The following TGFA variants were observed in gnomAD, a reference collection of about 807,000 sequenced individuals.
TGFA encodes transforming growth factor alpha.
Under a neutral mutation model 21.7 loss-of-function variants are expected in TGFA, and 12 were observed. The ratio of observed to expected loss-of-function variants is 0.55; its 90% CI spans 0.35 to 0.90. The LOEUF (loss-of-function observed/expected upper bound fraction) is 0.90, where lower values mean the gene tolerates loss of function less well. Among genes scored for constraint, TGFA ranks in the 40% least tolerant of loss-of-function variants. The pLI is 0.01. For synonymous variants in TGFA, 79 were observed against 88.1 expected (o/e 0.90, Z 0.58); for missense variants, 178 against 210.8 (o/e 0.84, Z 0.96).
chr2:70,553,191 G>A (rs1553507081), intron 1 of TGFA: 2 of 1,536,144 alleles, frequency 1.3e-6, no homozygotes, highest in South Asian at 1.2e-5. Context: ...TACCCCCAAA[G>A]CTCAAGAGCT....
intron 1 of TGFA, among the ~76,000 whole-genome samples, chr2:70,551,004 C>T (rs1673484298): frequency 6.6e-6 from 1 of 152,156 alleles, no homozygotes. Flanking sequence ...CCTACAAACT[C>T]TCCCAGTTAT....
rs113121842 is a variant in TGFA at position 70,469,313 on chromosome 2, G to GTAAT, written c.95-3581_95-3578dup. Among the ~76,000 whole-genome samples, 46 of 151,938 alleles carry GTAAT rather than the reference G, an allele frequency of 3.0e-4. No individual in the cohort carries two copies. In the Middle Eastern group the frequency reaches 0.014, roughly 45 times the overall value. On this transcript the variant is annotated intron_variant, in intron 2 of 5. Transcript: ENST00000295400. ...CTATACTGTAATGTTTGCCCTGCAGGTAATTAATTAATTAATTAATTAATT... is the reference window on the plus strand; with the variant it reads ...CTATACTGTAATGTTTGCCCTGCAGGTAATTAATTAATTAATTAATTAATTAATT...
intron 1 of TGFA, among the ~76,000 whole-genome samples, chr2:70,542,233 A>C (rs1523300): frequency 0.45 from 68,096 of 151,890 alleles, 16,082 homozygotes; most frequent in African/African-American, 0.58. Context: ...AATTGCAAAC[A>C]CCTTGTTTAT....
In TGFA at chr2:70,476,080, C is replaced by CAAAAAAAAA. The variant is rs1175233983; in HGVS notation, c.95-10353_95-10345dup. The stretch of plus-strand genomic sequence containing the variant: ...CTACCTTGGTCTTAGTAATTTTAAG[C>CAAAAAAAAA]AAAAAAAAAAAAAAAAAAAAAAAAA... On this transcript the variant is annotated intron_variant, in intron 2 of 5. Transcript: ENST00000295400. Among the ~76,000 whole-genome samples the CAAAAAAAAA allele has an allele frequency of 1.4e-3, 80 of 55,626 alleles. 4 individuals are homozygous for CAAAAAAAAA. Among genetic ancestry groups the CAAAAAAAAA allele is most frequent in the African/African-American group, 3.7e-3 (54 of 14,422 alleles). 36.5% of individuals were successfully genotyped at this position (55,626 alleles called of 152,430 possible). A position where few individuals can be genotyped will look rare whatever the true frequency, so the allele number is the denominator to read the frequency against.
At chr2:70,473,605 C>A (rs920809767) in intron 2 of TGFA, among the ~76,000 whole-genome samples, 18 of 151,858 alleles carry the variant, frequency 1.2e-4, no homozygotes, top group African/African-American at 4.1e-4. Flanking sequence ...GAAAGGGAAT[C>A]CCTGTCACAT....
At chr2:70,516,797 A>T (rs1260782084) in intron 1 of TGFA, among the ~76,000 whole-genome samples, 1 of 152,212 alleles carries the variant, frequency 6.6e-6, no homozygotes, top group Non-Finnish European at 1.5e-5. Flanking sequence ...CCAGTGACTC[A>T]TAATAGTGTT....
At chr2:70,454,635 A>T (rs1670168949) in intron 4 of TGFA, among the ~76,000 whole-genome samples, 1 of 152,144 alleles carries the variant, frequency 6.6e-6, no homozygotes, top group African/African-American at 2.4e-5. Flanking sequence ...CCAGCATGGG[A>T]CAAGCTGGTC....
At chr2:70,516,651 T>C (rs1672288419) in intron 1 of TGFA, among the ~76,000 whole-genome samples, 1 of 152,138 alleles carries the variant, frequency 6.6e-6, no homozygotes, top group South Asian at 2.1e-4. Flanking sequence ...GGCCCCTCTG[T>C]CACCCACACA....
At chr2:70,498,384 G>T (rs782542717) in intron 2 of TGFA, among the ~76,000 whole-genome samples, 3 of 152,250 alleles carry the variant, frequency 2.0e-5, no homozygotes, top group Non-Finnish European at 4.4e-5. Flanking sequence ...GAAATAGGCT[G>T]CAGGAAGAGG....
intron 1 of TGFA, among the ~76,000 whole-genome samples, chr2:70,540,141 A>T (rs1027469917): frequency 6.6e-6 from 1 of 152,212 alleles, no homozygotes; most frequent in Admixed American, 6.5e-5. Flanking sequence ...GAGAACAGAG[A>T]GAGAAACGTG....
At chr2:70,472,389 T>C (rs551525967) in intron 2 of TGFA, among the ~76,000 whole-genome samples, 1 of 152,282 alleles carries the variant, frequency 6.6e-6, no homozygotes, top group East Asian at 1.9e-4. Context: ...CCATGAAATT[T>C]ATGAGAGGCC....
intron 1 of TGFA, among the ~76,000 whole-genome samples, chr2:70,526,535 G>A (rs782371753): frequency 1.1e-4 from 17 of 152,162 alleles, no homozygotes; most frequent in Middle Eastern, 3.2e-3. Flanking sequence ...TTATTGACTC[G>A]AGACAAACCA....
At chr2:70,523,755 G>A (rs1523306) in intron 1 of TGFA, among the ~76,000 whole-genome samples, 2 of 152,042 alleles carry the variant, frequency 1.3e-5, no homozygotes, top group Non-Finnish European at 2.9e-5. Flanking sequence ...TACTGATTTA[G>A]GAGAGCTGGT....
chr2:70,486,738 A>G (rs547170906), intron 2 of TGFA, among the ~76,000 whole-genome samples: 4 of 151,566 alleles, frequency 2.6e-5, no homozygotes, highest in Non-Finnish European at 5.9e-5. Context: ...CTGGAATTAT[A>G]GGCGTGAGCT....
chr2:70,456,795 G>A (rs1670246023), intron 3 of TGFA, among the ~76,000 whole-genome samples: 2 of 152,240 alleles, frequency 1.3e-5, no homozygotes, highest in South Asian at 2.1e-4. Flanking sequence ...GGCAGCACAT[G>A]TGTTCATGAC....
rs560011719 is a variant in TGFA, at chr2:70,460,831, G to A, written c.216-4343C>T. On this transcript the variant is annotated intron_variant, in intron 3 of 5. Transcript: ENST00000295400. ...ATATGCTGTGCTGGGAACTGGGCTT[G>A]AATGTTCTCCAGTGCTGTCTAATAG... is the stretch of plus-strand genomic sequence containing the variant. Among the ~76,000 whole-genome samples the A allele has an allele frequency of 3.3e-5, 5 of 152,310 alleles. No individual in the cohort carries two copies. In the South Asian group the frequency reaches 8.3e-4, roughly 25 times the overall value.
intron 3 of TGFA, among the ~76,000 whole-genome samples, chr2:70,458,111 G>T (rs1201593036): frequency 1.3e-5 from 2 of 151,760 alleles, no homozygotes; most frequent in Non-Finnish European, 2.9e-5. Context: ...GGTTTTTTTT[G>T]TTTGTTTGCT....
At chr2:70,531,540 T>A (rs1672814426) in intron 1 of TGFA, among the ~76,000 whole-genome samples, 1 of 152,220 alleles carries the variant, frequency 6.6e-6, no homozygotes, top group South Asian at 2.1e-4. Flanking sequence ...GTCCACCATC[T>A]CAAGCAAGAA....
chr2:70,499,376 A>G (rs1438351391), intron 2 of TGFA, among the ~76,000 whole-genome samples: 3 of 152,248 alleles, frequency 2.0e-5, no homozygotes, highest in African/African-American at 7.2e-5. Flanking sequence ...AACCTGAACT[A>G]TCAGTTTTCC....
Sources: allele counts gnomAD v4.1 joint callset (sites outside exome capture counted in the v4.1 genomes callset), GRCh38; gene constraint gnomAD v4.1.1; transcripts MANE v1.5; gene names NCBI Gene and HGNC (gene_info 2026-07-23, HGNC 2026-07-21).